HNRNPM: variants seen among roughly 807,000 people sequenced by gnomAD.
The protein encoded by HNRNPM is CEA receptor.
In HNRNPM, 11 loss-of-function variants were observed where a neutral mutation model predicts 73.1. The observed-to-expected ratio is 0.15, with a 90% CI of 0.09 to 0.25. HNRNPM has a LOEUF of 0.25. Ranked by LOEUF, HNRNPM falls within the 10% of genes least tolerant of loss-of-function variation. The pLI is 1.00. For synonymous variants in HNRNPM, 407 were observed against 355.2 expected, an observed-to-expected ratio of 1.15 and a Z score of -1.64; for missense variants, 789 against 1,067.9, an observed-to-expected ratio of 0.74 and a Z score of 3.64.
rs1272690571 is a variant in HNRNPM, at chr19:8,462,638, T to C, written c.336+57T>C. ...TTACTACATGAAAAATGTAACTGTA[T>C]GGTGGCGTGGAATCGAATGAAATCA... On this transcript the variant is annotated intron_variant, in intron 3 of 15. Coordinates refer to ENST00000325495, the MANE Select transcript of HNRNPM (RefSeq NM_005968.5). This position sits in a 1 kb window ranked among gnomAD's most constrained non-coding sequence, Gnocchi z 4.5. 2.2e-6 allele frequency: 3 copies of C among 1,358,212 alleles called. No homozygotes were observed. The African/African-American group carries it at 4.3e-5, about 19-fold the overall frequency. The allele number at this position is 1,358,212 out of a possible 1,614,324, so 84.1% of individuals were successfully genotyped here.
At chr19:8,474,842 G>A (rs1388220094) in intron 12 of HNRNPM, among the ~76,000 whole-genome samples, 1 of 151,670 alleles carries the variant, frequency 6.6e-6, no homozygotes, top group Non-Finnish European at 1.5e-5. Flanking sequence ...AGCCTCCTGA[G>A]TAGCTGGTAT....
rs527286322 is a variant in HNRNPM at position 8,455,361 on chromosome 19, G to A, written c.114-44G>A. 3.3e-6 allele frequency: 5 copies of A among 1,498,376 alleles called. No homozygotes were observed. The African/African-American group carries it at 7.0e-5, about 21-fold the overall frequency. The allele number at this position is 1,498,376 out of a possible 1,614,324, so 92.8% of individuals were successfully genotyped here. A position where few individuals can be genotyped will look rare whatever the true frequency, so the allele number is the denominator to read the frequency against. On this transcript the variant is annotated intron_variant, in intron 1 of 15. Transcript: ENST00000325495. The stretch of plus-strand genomic sequence containing the variant: ...AAATAATTATCTTTCACATTGTGCT[G>A]ACATATAAACCCTTTACCTTTTTTT...
In HNRNPM at chr19:8,462,229, T is replaced by A; in HGVS notation, c.284-300T>A. 1 of 334,500 alleles carries A rather than the reference T, an allele frequency of 3.0e-6. No homozygotes were observed. Among genetic ancestry groups the A allele is most frequent in the East Asian group, 5.1e-5 (1 of 19,650 alleles). The allele number at this position is 334,500 out of a possible 1,614,324, so 20.7% of individuals were successfully genotyped here. A position where few individuals can be genotyped will look rare whatever the true frequency, so the allele number is the denominator to read the frequency against. On this transcript the variant is annotated intron_variant, in intron 2 of 15. Transcript: ENST00000325495. The surrounding 1 kb of genome is among the most constrained non-coding windows in gnomAD (Gnocchi z 4.5). ...GTAAATCACGCAGACTTCTTTCCTA[T>A]AGATTTGGATTGCCTCTAGTCATGA...
chr19:8,450,291 A>AG (rs1568257443), intron 1 of HNRNPM, among the ~76,000 whole-genome samples: 1 of 152,180 alleles, frequency 6.6e-6, no homozygotes, highest in African/African-American at 2.4e-5. Flanking sequence ...CCTTTCCTTG[A>AG]TTAGAAACTC....
chr19:8,449,787 G>A lies in HNRNPM; in HGVS notation c.113+4676G>A, dbSNP rs1327549888. 8.7e-4 allele frequency among the ~76,000 whole-genome samples: 6 copies of A among 6,868 alleles called. 3 individuals are homozygous for A. Among genetic ancestry groups the A allele is most frequent in the African/African-American group, 9.0e-4 (6 of 6,664 alleles). The allele number at this position is 6,868 out of a possible 152,430, so 4.5% of individuals were successfully genotyped here. ...CCTGACCTCGTGATCCGCCCGCCTC[G>A]GCCTCCCAAAGTGCTGGGATTACAG... On this transcript the variant is annotated intron_variant, in intron 1 of 15. Coordinates refer to ENST00000325495, the MANE Select transcript of HNRNPM (RefSeq NM_005968.5).
At chr19:8,488,519 T>C (rs899940738) in intron 15 of HNRNPM, 172 bp from the exon 16 acceptor site, 3 of 530,624 alleles carry the variant, frequency 5.7e-6, no homozygotes, top group Non-Finnish European at 9.9e-6. Flanking sequence ...AGGGGCAGGC[T>C]CTGTTAGCAG....
At chr19:8,445,390 C>T (rs1278096152) in intron 1 of HNRNPM, 11 of 327,624 alleles carry the variant, frequency 3.4e-5, no homozygotes, top group Middle Eastern at 7.7e-4. Flanking sequence ...AGCTGCTGCG[C>T]ATGGGGGTTG....
At position 8,466,368 on chromosome 19, in the gene HNRNPM, T is replaced by C; in HGVS notation, c.764T>C (p.Ile255Thr). ...GIGTVTFEQS[I>T]EAVQAISMFN... ...GGCACTGTTACTTTTGAACAGTCCA[T>C]TGAAGCTGTGCAAGCTATATGTATC... Residue 255 changes from isoleucine (I) to threonine (T), a missense_variant, in exon 7 of 16, where the codon ATT (isoleucine) becomes ACT (threonine). Around this residue, in one of 4 missense-constraint regions of HNRNPM, gnomAD observed 604 missense variants for 744.0 expected, o/e 0.81. Transcript: ENST00000325495. 4 of 1,614,154 alleles carry C rather than the reference T, an allele frequency of 2.5e-6. No individual in the cohort carries two copies. The highest frequency in any genetic ancestry group is 2.2e-5 in the East Asian group (1 of 44,876).
In HNRNPM at chr19:8,474,177, G is replaced by A. The variant is rs61743960; in HGVS notation, c.1053G>A (p.Gly351=). 1.6e-3 allele frequency: 2,542 copies of A among 1,596,826 alleles called. 27 individuals carry two copies. In the African/African-American group the frequency reaches 0.029, roughly 19 times the overall value. ...GAACCTCTCTTGCAGGAATGGAGGG[G>A]CCCTTTGGTGGTGGTATGGAAAACA... ...FGINKMGGME[G]PFGGGMENMG... The change falls in exon 12 of 16, where the codon GGG becomes GGA. Residue 351 remains glycine (G), a synonymous_variant. Coordinates refer to ENST00000325495, the MANE Select transcript of HNRNPM (RefSeq NM_005968.5).
chr19:8,453,395 C>T (rs1599753659), intron 1 of HNRNPM, among the ~76,000 whole-genome samples: 1 of 152,268 alleles, frequency 6.6e-6, no homozygotes, highest in East Asian at 1.9e-4. Flanking sequence ...CCTGCCTGAG[C>T]CTCCCAAAGT....
rs369110925 is a variant in HNRNPM, at chr19:8,486,267, C to T, written c.1839C>T (p.Gly613=). The change falls in exon 14 of 16, where the codon GGC becomes GGT. Residue 613 remains glycine, a synonymous_variant. Coordinates refer to ENST00000325495, the MANE Select transcript of HNRNPM (RefSeq NM_005968.5). ...AGCGCATGGGCCTGGCCATGGGTGG[C>T]GGTGGCGGTGCCAGCTTTGACCGTG... ...GIERMGLAMG[G]GGGASFDRAI... 2.3e-4 allele frequency: 376 copies of T among 1,601,992 alleles called. No individual in the cohort carries two copies. The highest frequency in any genetic ancestry group is 2.9e-4 in the Non-Finnish European group (347 of 1,179,802).
intron 12 of HNRNPM, among the ~76,000 whole-genome samples, chr19:8,475,040 T>C (rs1568288603): frequency 6.6e-6 from 1 of 152,198 alleles, no homozygotes; most frequent in Admixed American, 6.5e-5. Context: ...TTAGCAGAAA[T>C]ATAATAATAT....
In HNRNPM at chr19:8,486,049, CTGGAGCGCATGGGCCCCGTGA is replaced by C. The variant is rs1165381144; in HGVS notation, c.1626_1646del (p.Glu542_Met548del). The C allele has an allele frequency of 1.2e-6, 2 of 1,602,498 alleles. No individual in the cohort carries two copies. The highest frequency in any genetic ancestry group is 1.4e-5 in the African/African-American group (1 of 73,308). ...GGTGCCCGCAGGTATGGGAGCTGGC[CTGGAGCGCATGGGCCCCGTGA>C]TGGATCGCATGGCCACCGGCCTGGA... On this transcript the variant is annotated inframe_deletion, in exon 14 of 16. Transcript: ENST00000325495.
chr19:8,473,723 A>G lies in HNRNPM; in HGVS notation c.1042+15A>G. ...TAAAATGGGAGGTAAGAAATTTAAA[A>G]TGAAGTACAAGCATAATCACTTTTA... On this transcript the variant is annotated intron_variant, in intron 11 of 15. Coordinates refer to ENST00000325495, the MANE Select transcript of HNRNPM (RefSeq NM_005968.5). The G allele has an allele frequency of 6.9e-7, 1 of 1,453,588 alleles. No homozygotes were observed. Among genetic ancestry groups the G allele is most frequent in the South Asian group, 1.1e-5 (1 of 87,118 alleles). The allele number at this position is 1,453,588 out of a possible 1,614,324, so 90.0% of individuals were successfully genotyped here. A position where few individuals can be genotyped will look rare whatever the true frequency, so the allele number is the denominator to read the frequency against.
At chr19:8,466,828 CAAAAAA>C (rs61362863) in intron 7 of HNRNPM, among the ~76,000 whole-genome samples, 49 of 56,494 alleles carry the variant, frequency 8.7e-4, no homozygotes, top group Non-Finnish European at 1.2e-3. Flanking sequence ...GACTCAGTCT[CAAAAAA>C]AAAAAAAAAA....
chr19:8,449,163 T>C (rs968511933), intron 1 of HNRNPM, among the ~76,000 whole-genome samples: 2 of 152,238 alleles, frequency 1.3e-5, no homozygotes, highest in South Asian at 2.1e-4. Context: ...AGCTCAAGAT[T>C]AGAAGACAGG....
intron 2 of HNRNPM, among the ~76,000 whole-genome samples, chr19:8,461,756 G>A (rs1459245063): frequency 1.2e-5 from 1 of 84,412 alleles, no homozygotes; most frequent in Non-Finnish European, 3.6e-5. Context: ...TTTAGAAAGC[G>A]GCAAGAATGA....
chr19:8,455,082 C>T (rs537910144), intron 1 of HNRNPM, among the ~76,000 whole-genome samples: 2 of 152,214 alleles, frequency 1.3e-5, no homozygotes, highest in South Asian at 2.1e-4. Flanking sequence ...TTAAGTGATC[C>T]TCCCATCTCA....
chr19:8,465,217 C>A, intron 5 of HNRNPM, 107 bp from the exon 6 acceptor site: 4 of 903,724 alleles, frequency 4.4e-6, no homozygotes, highest in Non-Finnish European at 6.6e-6. Context: ...GAGATGCTTT[C>A]CAAACAACCT....
Sources: gnomAD v4.1 joint callset for allele counts (sites outside exome capture counted in the v4.1 genomes callset) on GRCh38, gnomAD v4.1.1 for gene constraint, gnomAD v4.1.1 regional missense constraint, Gnocchi (gnomAD v3.1) non-coding constraint, MANE v1.5 for transcripts, NCBI Gene and HGNC (gene_info 2026-07-23, HGNC 2026-07-21) for gene names.